POLR1A: variants seen among roughly 807,000 people sequenced by gnomAD.
POLR1A encodes DNA-directed RNA polymerase I subunit RPA1.
POLR1A carries 84 observed loss-of-function variants against 205.3 expected under a neutral mutation model. The observed-to-expected ratio is 0.41, with a 90% CI of 0.34 to 0.49. The LOEUF is 0.49. Among genes scored for constraint, POLR1A ranks in the 20% least tolerant of loss-of-function variants. The pLI is 0.22. For synonymous variants in POLR1A, 799 were observed against 863.7 expected, an observed-to-expected ratio of 0.93 and a Z score of 1.31; for missense variants, 1,645 against 2,204.5, an observed-to-expected ratio of 0.75 and a Z score of 5.08.
chr2:86,085,196 TG>T (rs1673483066), intron 6 of POLR1A, among the ~76,000 whole-genome samples: 1 of 152,058 alleles, frequency 6.6e-6, no homozygotes, highest in African/African-American at 2.4e-5. Context: ...CTACTGATCT[TG>T]CAATCCGCCC....
chr2:86,028,688 G>A lies in POLR1A; in HGVS notation c.4803C>T (p.Tyr1601=). 6.2e-7 allele frequency: 1 copy of A among 1,614,116 alleles called. No individual in the cohort carries two copies. Among genetic ancestry groups the A allele is most frequent in the Non-Finnish European group, 8.5e-7 (1 of 1,179,930 alleles). ...YAEVLDLRRL[Y]SNDIHAIANT... Reference sequence around the variant, plus strand: ...TGGCTATGGCGTGGATGTCGTTGGAGTAGAGGCGGCGCAGATCCAGGACCT... The same window carrying A: ...TGGCTATGGCGTGGATGTCGTTGGAATAGAGGCGGCGCAGATCCAGGACCT... Residue 1601 remains tyrosine (Y), a synonymous_variant, in exon 32 of 34, where the codon TAC becomes TAT. Coordinates refer to ENST00000263857, the MANE Select transcript of POLR1A (RefSeq NM_015425.6). The surrounding 1 kb of genome is among the most constrained non-coding windows in gnomAD (Gnocchi z 4.5).
intron 13 of POLR1A, among the ~76,000 whole-genome samples, chr2:86,068,110 G>A (rs1162165595): frequency 1.3e-5 from 2 of 152,118 alleles, no homozygotes; most frequent in East Asian, 1.9e-4. Context: ...GCTTTGCACC[G>A]TATTCAATCA....
chr2:86,036,926 A>G (rs146225461), intron 27 of POLR1A: 11 of 152,414 alleles, frequency 7.2e-5, no homozygotes, highest in South Asian at 2.1e-4. Flanking sequence ...ATGAGGTAAT[A>G]TAAGTAAAAA....
chr2:86,090,489 G>T (rs1467653308), intron 3 of POLR1A, among the ~76,000 whole-genome samples: 1 of 152,046 alleles, frequency 6.6e-6, no homozygotes, highest in South Asian at 2.1e-4. Context: ...GCCAAGATAG[G>T]TTAAAATATT....
Position 86,044,146 on chromosome 2 carries a change from T to C in POLR1A, c.3128A>G (p.Asn1043Ser), listed in dbSNP as rs1274243861. ...QPKQFPFLASNYEVIMKSQHL... is the reference protein window; with the variant it reads ...QPKQFPFLASSYEVIMKSQHL... ...CGGGATCTAGCACACTACCTCGTAGTTGCTGGCCAGGAAGGGGAACTGCTT... is the reference window on the plus strand; with the variant it reads ...CGGGATCTAGCACACTACCTCGTAGCTGCTGGCCAGGAAGGGGAACTGCTT... The change falls in exon 22 of 34, where the codon AAC becomes AGC. Residue 1043 changes from asparagine to serine, a missense_variant. Transcript: ENST00000263857. 2 of 1,614,114 alleles carry C rather than the reference T, an allele frequency of 1.2e-6. No homozygotes were observed. Among genetic ancestry groups the C allele is most frequent in the East Asian group, 2.2e-5 (1 of 44,880 alleles).
chr2:86,052,814 T>G lies in POLR1A; in HGVS notation c.2392+3A>C. The G allele has an allele frequency of 2.6e-6, 4 of 1,518,332 alleles. No individual in the cohort carries two copies. The highest frequency in any genetic ancestry group is 3.5e-6 in the Non-Finnish European group (4 of 1,129,168). 94.1% of individuals were successfully genotyped at this position (1,518,332 alleles called of 1,614,324 possible). ...GCCCCAGGGCAGCGAGCCCGGCACT[T>G]ACCCAAGGTGAAGCCTCTGTAGAGC... is the stretch of plus-strand genomic sequence containing the variant. On this transcript the variant is annotated splice_donor_region_variant and intron_variant, in intron 16 of 33. Transcript: ENST00000263857.
intron 14 of POLR1A, among the ~76,000 whole-genome samples, chr2:86,058,397 C>A (rs1045050534): frequency 7.3e-6 from 1 of 137,230 alleles, no homozygotes; most frequent in African/African-American, 3.0e-5. Flanking sequence ...CCTCACCCAG[C>A]CTTTTTTTTT....
intron 30 of POLR1A, among the ~76,000 whole-genome samples, chr2:86,030,823 T>A (rs1312424814): frequency 6.6e-6 from 1 of 152,176 alleles, no homozygotes; most frequent in Admixed American, 6.5e-5. Flanking sequence ...GGCATCCAGA[T>A]CATCCAGGCT....
At chr2:86,069,360 T>C (rs1004256522) in intron 13 of POLR1A, among the ~76,000 whole-genome samples, 3 of 152,212 alleles carry the variant, frequency 2.0e-5, no homozygotes, top group African/African-American at 7.2e-5. Context: ...GCAGCCTGCC[T>C]CTTTCCCCGC....
chr2:86,044,027 C>G (rs1237809903), intron 22 of POLR1A, 112 bp downstream of exon 22: 36 of 994,592 alleles, frequency 3.6e-5, no homozygotes, highest in Admixed American at 6.2e-5. Context: ...TCCCACTCTA[C>G]TTTCCAATGG....
intron 27 of POLR1A, among the ~76,000 whole-genome samples, chr2:86,037,836 T>C (rs1003182387): frequency 6.6e-6 from 1 of 152,272 alleles, no homozygotes; most frequent in Non-Finnish European, 1.5e-5. Context: ...CTTGTTTTCT[T>C]TCTTTTTAAA....
chr2:86,067,507 GTTCCA>G (rs1673102780), intron 13 of POLR1A, among the ~76,000 whole-genome samples: 1 of 152,084 alleles, frequency 6.6e-6, no homozygotes, highest in Non-Finnish European at 1.5e-5. Context: ...AAAGAAATGA[GTTCCA>G]TTCAACTCCT....
At chr2:86,044,662 CAA>C in intron 21 of POLR1A, among the ~76,000 whole-genome samples, 1 of 152,314 alleles carries the variant, frequency 6.6e-6, no homozygotes, top group South Asian at 2.1e-4. Flanking sequence ...TCCTTAGAAC[CAA>C]AAGACGGGCG....
At chr2:86,084,385 C>A (rs1456476285) in intron 6 of POLR1A, among the ~76,000 whole-genome samples, 1 of 151,736 alleles carries the variant, frequency 6.6e-6, no homozygotes, top group Non-Finnish European at 1.5e-5. Flanking sequence ...TCGCTGCACT[C>A]CAGCCTGGAT....
intron 27 of POLR1A, among the ~76,000 whole-genome samples, chr2:86,034,991 C>T (rs1672468147): frequency 6.6e-6 from 1 of 152,152 alleles, no homozygotes; most frequent in Non-Finnish European, 1.5e-5. Context: ...ATGCCTCAGC[C>T]TTCTGAGTAG....
intron 11 of POLR1A, 93 bp from the exon 12 acceptor site, chr2:86,075,353 C>A: frequency 1.1e-6 from 1 of 900,782 alleles, no homozygotes; most frequent in Admixed American, 2.1e-5. Context: ...TCTTTTCACC[C>A]AAGATGTGGA....
At position 86,042,120 on chromosome 2, in the gene POLR1A, G is replaced by A. The variant is rs767075241; in HGVS notation, c.3358-17C>T. 1.3e-6 allele frequency: 2 copies of A among 1,586,764 alleles called. No homozygotes were observed. The highest frequency in any genetic ancestry group is 1.3e-5 in the African/African-American group (1 of 74,304). ...CCTCAGCATCTGAACAGAAGGATGG[G>A]TCTCAGCTATGTGGGAGGGATACCC... On this transcript the variant is annotated splice_polypyrimidine_tract_variant and intron_variant, in intron 23 of 33. Coordinates refer to ENST00000263857, the MANE Select transcript of POLR1A (RefSeq NM_015425.6).
chr2:86,099,120 G>C (rs1673763783), intron 2 of POLR1A, among the ~76,000 whole-genome samples: 1 of 152,116 alleles, frequency 6.6e-6, no homozygotes, highest in African/African-American at 2.4e-5. Context: ...CAGATCACTT[G>C]AGGCCAGTTA....
rs781499609 is a variant in POLR1A at position 86,098,639 on chromosome 2, A to G, written c.404T>C (p.Val135Ala). The change falls in exon 3 of 34, where the codon GTC becomes GCC. Residue 135 changes from valine (V) to alanine (A), a missense_variant. Physicochemically the swap from Val to Ala is moderately conservative, Grantham distance 64. Coordinates refer to ENST00000263857, the MANE Select transcript of POLR1A (RefSeq NM_015425.6). ...GTTCAGAATTCTCTCAAGCTCGTAG[A>G]CTGCTTGTAGGGCCCCGACTTCCAG... ...RVLEVGALQA[V>A]YELERILNRF... The G allele has an allele frequency of 6.2e-7, 1 of 1,613,622 alleles. No individual in the cohort carries two copies. The highest frequency in any genetic ancestry group is 8.5e-7 in the Non-Finnish European group (1 of 1,179,882).
Sources: allele counts gnomAD v4.1 joint callset (sites outside exome capture counted in the v4.1 genomes callset), GRCh38; gene constraint gnomAD v4.1.1; non-coding constraint Gnocchi (gnomAD v3.1); transcripts MANE v1.5; gene names NCBI Gene and HGNC (gene_info 2026-07-23, HGNC 2026-07-21).